ASPSCR1: variants seen among roughly 807,000 people sequenced by gnomAD.
ASPSCR1 encodes ASPSCR1 tether for SLC2A4, UBX domain containing.
A neutral mutation model predicts 68.9 loss-of-function variants in ASPSCR1; 55 were observed. That is an observed-to-expected ratio of 0.80 (90% CI 0.64 to 1.00). ASPSCR1 has a LOEUF of 1.00. Among genes scored for constraint, ASPSCR1 ranks in the 50% least tolerant of loss-of-function variants. ASPSCR1 has a pLI of 0.00. For missense variants in ASPSCR1, 765 were observed against 762.2 expected, an observed-to-expected ratio of 1.00 and a Z score of -0.04; for synonymous variants, 352 against 332.6, an observed-to-expected ratio of 1.06 and a Z score of -0.63.
At position 81,987,888 on chromosome 17, in the gene ASPSCR1, G is replaced by A. The variant is rs1347951910; in HGVS notation, c.374+2281G>A. ...CAAAAGAAACAACAAGGCTGGGCAC[G>A]GTGGCTCACACCTGTAATCGCAGCA... On this transcript the variant is annotated intron_variant, in intron 4 of 15. Transcript: ENST00000306739. The surrounding 1 kb of genome is among the most constrained non-coding windows in gnomAD (Gnocchi z 5.6). 6.6e-6 allele frequency among the ~76,000 whole-genome samples: 1 copy of A among 152,080 alleles called. No homozygotes were observed. Among genetic ancestry groups the A allele is most frequent in the Non-Finnish European group, 1.5e-5 (1 of 68,008 alleles).
At chr17:81,998,903 C>T (rs1320994599) in intron 7 of ASPSCR1, among the ~76,000 whole-genome samples, 1 of 152,250 alleles carries the variant, frequency 6.6e-6, no homozygotes, top group Non-Finnish European at 1.5e-5. Flanking sequence ...CAGGTGCTGA[C>T]CTCCGAGCAT....
intron 9 of ASPSCR1, chr17:82,010,064 C>G (rs1210251285): frequency 2.9e-6 from 1 of 342,060 alleles, no homozygotes; most frequent in South Asian, 2.0e-5. Flanking sequence ...TACCCGCTAC[C>G]ACTAGCTCGG....
chr17:82,010,384 T>C (rs779978070), intron 9 of ASPSCR1, among the ~76,000 whole-genome samples: 125 of 150,714 alleles, frequency 8.3e-4, no homozygotes, highest in Admixed American at 1.6e-3. Flanking sequence ...AAAAAATTAG[T>C]CAGGAGAGGT....
intron 2 of ASPSCR1, among the ~76,000 whole-genome samples, chr17:81,979,610 C>A (rs1053317563): frequency 6.6e-6 from 1 of 152,210 alleles, no homozygotes; most frequent in Admixed American, 6.5e-5. Context: ...AGACCAGGAT[C>A]CCTAGTAAGA....
chr17:82,009,491 G>A lies in ASPSCR1; in HGVS notation c.1094G>A (p.Arg365His), dbSNP rs996593288. 29 of 1,578,740 alleles carry A rather than the reference G, an allele frequency of 1.8e-5. No homozygotes were observed. The highest frequency in any genetic ancestry group is 1.7e-4 in the Middle Eastern group (1 of 5,970). ...RLAQLKSERK[R>H]LEEAPLVTKA... Reference sequence around the variant, plus strand: ...CCTTCCCCTCCTCACCACAGGAAGCGCCTGGAAGAAGCCCCCTTGGTGACC... The same window carrying A: ...CCTTCCCCTCCTCACCACAGGAAGCACCTGGAAGAAGCCCCCTTGGTGACC... Residue 365 changes from arginine (R) to histidine (H), a missense_variant, in exon 9 of 16, where the codon CGC becomes CAC. Transcript: ENST00000306739.
chr17:82,011,235 G>A (rs925290641), intron 10 of ASPSCR1, among the ~76,000 whole-genome samples: 4 of 151,776 alleles, frequency 2.6e-5, no homozygotes, highest in Admixed American at 1.3e-4. Context: ...CCAGACGGCC[G>A]GGCGGCAGCA....
chr17:81,988,546 G>A (rs536262495), intron 4 of ASPSCR1, among the ~76,000 whole-genome samples: 1 of 152,240 alleles, frequency 6.6e-6, no homozygotes, highest in African/African-American at 2.4e-5. Flanking sequence ...GGTAAAGCCC[G>A]GAGCCCCCAG....
rs2042031802 is a variant in ASPSCR1, at chr17:81,987,436, C to T, written c.374+1829C>T. The stretch of plus-strand genomic sequence containing the variant: ...AGATGAACGTCTGGAAGGAAATGCC[C>T]CTGGGCCGGGCGGTGCCCCCGGGCG... On this transcript the variant is annotated intron_variant, in intron 4 of 15. Transcript: ENST00000306739. This position sits in a 1 kb window ranked among gnomAD's most constrained non-coding sequence, Gnocchi z 5.6. Among the ~76,000 whole-genome samples, 1 of 152,212 alleles carries T rather than the reference C, an allele frequency of 6.6e-6. No individual in the cohort carries two copies. Among genetic ancestry groups the T allele is most frequent in the Non-Finnish European group, 1.5e-5 (1 of 68,030 alleles).
intron 7 of ASPSCR1, 39 bp downstream of exon 7, chr17:81,996,885 T>C: frequency 6.5e-7 from 1 of 1,540,774 alleles, no homozygotes; most frequent in Non-Finnish European, 8.7e-7. Context: ...GGGGGTGTCC[T>C]TTCTCCTGAT....
Position 82,009,167 on chromosome 17 carries a change from G to T in ASPSCR1, c.1064G>T (p.Arg355Leu), listed in dbSNP as rs766003319. The change falls in exon 8 of 16, where the codon CGC (arginine) becomes CTC (leucine). Residue 355 changes from arginine to leucine, a missense_variant. Transcript: ENST00000306739. ...FELTVDDVRRRLAQLKSERKR... is the reference protein window; with the variant it reads ...FELTVDDVRRLLAQLKSERKR... ...CTGACGGTGGACGACGTGAGAAGAC[G>T]CTTGGCCCAGCTCAAGAGTGAGCGG... The T allele has an allele frequency of 6.2e-7, 1 of 1,610,610 alleles. No individual in the cohort carries two copies. Among genetic ancestry groups the T allele is most frequent in the East Asian group, 2.2e-5 (1 of 44,806 alleles).
rs576940823 is a variant in ASPSCR1, at chr17:81,979,403, A to G, written c.158+164A>G. On this transcript the variant is annotated intron_variant, in intron 2 of 15. Coordinates refer to ENST00000306739, the MANE Select transcript of ASPSCR1 (RefSeq NM_024083.4). Reference sequence around the variant, plus strand: ...CCTTGGCAGGGCCACACTCTCTCCAAATGCCCTAAGGGAGAATCCCTCCTG... The same window carrying G: ...CCTTGGCAGGGCCACACTCTCTCCAGATGCCCTAAGGGAGAATCCCTCCTG... Among the ~76,000 whole-genome samples, 84 of 152,270 alleles carry G rather than the reference A, an allele frequency of 5.5e-4. 1 individual carries two copies. The highest frequency in any genetic ancestry group is 1.9e-3 in the African/African-American group (80 of 41,560).
Position 81,987,651 on chromosome 17 carries a change from C to T in ASPSCR1, c.374+2044C>T, listed in dbSNP as rs1271794708. Among the ~76,000 whole-genome samples the T allele has an allele frequency of 6.6e-6, 1 of 152,116 alleles. No homozygotes were observed. Among genetic ancestry groups the T allele is most frequent in the Admixed American group, 6.5e-5 (1 of 15,274 alleles). ...ATTGTGGTAGCATAAGCCTCTTCAA[C>T]AGACTTTGTAAACCTCGTGTGAAAC... On this transcript the variant is annotated intron_variant, in intron 4 of 15. Coordinates refer to ENST00000306739, the MANE Select transcript of ASPSCR1 (RefSeq NM_024083.4). The surrounding 1 kb of genome is among the most constrained non-coding windows in gnomAD (Gnocchi z 5.6).
chr17:81,980,493 T>C (rs761473166), intron 2 of ASPSCR1, among the ~76,000 whole-genome samples: 2 of 152,354 alleles, frequency 1.3e-5, no homozygotes, highest in African/African-American at 2.4e-5. Flanking sequence ...GGTCTTGGGC[T>C]TTCTGCCCCA....
At chr17:81,992,540 C>T (rs2042203751) in intron 4 of ASPSCR1, among the ~76,000 whole-genome samples, 2 of 152,328 alleles carry the variant, frequency 1.3e-5, no homozygotes, top group South Asian at 4.1e-4. Flanking sequence ...CCCAGGCCTC[C>T]CCAGCCGTAG....
rs1054886211 is a variant in ASPSCR1 at position 81,998,898 on chromosome 17, G to T, written c.933+2052G>T. 2.0e-5 allele frequency among the ~76,000 whole-genome samples: 3 copies of T among 152,246 alleles called. No homozygotes were observed. In the East Asian group the frequency reaches 5.8e-4, roughly 29 times the overall value. On this transcript the variant is annotated intron_variant, in intron 7 of 15. Coordinates refer to ENST00000306739, the MANE Select transcript of ASPSCR1 (RefSeq NM_024083.4). Reference sequence around the variant, plus strand: ...AGTGCATGCAGGCAGGCGGCCAGGTGCTGACCTCCGAGCATGCCTGTGTGT... The same window carrying T: ...AGTGCATGCAGGCAGGCGGCCAGGTTCTGACCTCCGAGCATGCCTGTGTGT...
At chr17:81,997,141 G>A (rs931331117) in intron 7 of ASPSCR1, among the ~76,000 whole-genome samples, 9 of 152,200 alleles carry the variant, frequency 5.9e-5, no homozygotes, top group Non-Finnish European at 8.8e-5. Context: ...CCGGGATGAG[G>A]CCGTGTTGGC....
At position 82,017,310 on chromosome 17, in the gene ASPSCR1, C is replaced by T. The variant is rs780782841; in HGVS notation, c.1650C>T (p.Ala550=). The change falls in exon 16 of 16, where the codon GCC becomes GCT. Residue 550 remains alanine (A), a splice_region_variant and synonymous_variant. Transcript: ENST00000306739. The part of the protein sequence containing the change: ...GKVPKWLKLP[A]SKR ...CACCCTGATGTGTCTGCACTACAGC[C>T]AGCAAGAGGTGAGAGCTGCCAGCCT... 1.9e-6 allele frequency: 3 copies of T among 1,611,476 alleles called. 1 individual carries two copies. The South Asian group carries it at 3.3e-5, about 18-fold the overall frequency.
At position 82,009,473 on chromosome 17, in the gene ASPSCR1, C is replaced by T; in HGVS notation, c.1089-13C>T. ...CTGACCAGAAGCCCTGTTCCTTCCC[C>T]TCCTCACCACAGGAAGCGCCTGGAA... On this transcript the variant is annotated splice_polypyrimidine_tract_variant and intron_variant, in intron 8 of 15. Coordinates refer to ENST00000306739, the MANE Select transcript of ASPSCR1 (RefSeq NM_024083.4). 1 of 1,567,808 alleles carries T rather than the reference C, an allele frequency of 6.4e-7. No homozygotes were observed. The highest frequency in any genetic ancestry group is 8.6e-7 in the Non-Finnish European group (1 of 1,156,212).
chr17:81,983,619 A>G lies in ASPSCR1; in HGVS notation c.224A>G (p.Lys75Arg), dbSNP rs1174142132. ...TTTGCCAACCTGCCCAACAATGCCAAGCTGGAGATGGTGCCCGCTTCCCGG... is the reference window on the plus strand; with the variant it reads ...TTTGCCAACCTGCCCAACAATGCCAGGCTGGAGATGGTGCCCGCTTCCCGG... ...WRFANLPNNA[K>R]LEMVPASRSR... is the part of the protein sequence containing the mutation. The change falls in exon 3 of 16, where the codon AAG becomes AGG. Residue 75 changes from lysine to arginine, a missense_variant. By Grantham distance (26) the Lys-to-Arg change is conservative. Coordinates refer to ENST00000306739, the MANE Select transcript of ASPSCR1 (RefSeq NM_024083.4). The surrounding 1 kb of genome is among the most constrained non-coding windows in gnomAD (Gnocchi z 4.4). The G allele has an allele frequency of 1.2e-6, 2 of 1,613,456 alleles. No individual in the cohort carries two copies. The highest frequency in any genetic ancestry group is 1.3e-5 in the African/African-American group (1 of 74,778).
Sources: allele counts gnomAD v4.1 joint callset (sites outside exome capture counted in the v4.1 genomes callset), GRCh38; gene constraint gnomAD v4.1.1; non-coding constraint Gnocchi (gnomAD v3.1); transcripts MANE v1.5; gene names NCBI Gene and HGNC (gene_info 2026-07-23, HGNC 2026-07-21).